The following LUZP2 variants were observed in gnomAD, a reference collection of about 807,000 sequenced individuals.
The protein encoded by LUZP2 is leucine zipper protein 2.
A neutral mutation model predicts 51.6 loss-of-function variants in LUZP2; 52 were observed. The ratio of observed to expected loss-of-function variants is 1.01; its 90% confidence interval spans 0.81 to 1.27. LUZP2 has a LOEUF of 1.27. LUZP2 is among the 50% of genes most tolerant of loss of function. The pLI is 0.00. For missense variants in LUZP2, 436 were observed against 395.4 expected (o/e 1.10, Z -0.87); for synonymous variants, 154 against 137.3 (o/e 1.12, Z -0.85).
rs577398181 is a variant in LUZP2 at position 25,012,800 on chromosome 11, G to C, written c.765+29507G>C. Among the ~76,000 whole-genome samples the C allele has an allele frequency of 2.2e-4, 34 of 152,260 alleles. 1 individual carries two copies. The South Asian group carries it at 5.8e-3, about 26-fold the overall frequency. On this transcript the variant is annotated intron_variant, in intron 9 of 11. Coordinates refer to ENST00000336930, the MANE Select transcript of LUZP2 (RefSeq NM_001009909.4). The stretch of plus-strand genomic sequence containing the variant: ...GAATGTGAACTCGTACATCCACTAT[G>C]AAGACACTAAGGAGATTTCTCAAAA...
intron 9 of LUZP2, among the ~76,000 whole-genome samples, chr11:25,029,662 G>A (rs542599385): frequency 2.6e-5 from 4 of 151,524 alleles, no homozygotes; most frequent in Admixed American, 6.6e-5. Context: ...ATTTGAACCC[G>A]GGAGGCGGAG....
intron 10 of LUZP2, among the ~76,000 whole-genome samples, chr11:25,069,799 T>C: frequency 6.6e-6 from 1 of 151,978 alleles, no homozygotes; most frequent in East Asian, 1.9e-4. Context: ...ACTATAAATT[T>C]TTTCTTCAAT....
At chr11:24,992,369 TG>T (rs1189690739) in intron 9 of LUZP2, among the ~76,000 whole-genome samples, 1 of 152,104 alleles carries the variant, frequency 6.6e-6, no homozygotes, top group African/African-American at 2.4e-5. Flanking sequence ...CTATGTGTGA[TG>T]GGGGATGGGT....
intron 1 of LUZP2, among the ~76,000 whole-genome samples, chr11:24,561,583 A>C (rs1051943276): frequency 2.6e-5 from 4 of 152,134 alleles, no homozygotes; most frequent in Non-Finnish European, 5.9e-5. Context: ...CAAACACTGC[A>C]TGTTCTCATG....
intron 9 of LUZP2, among the ~76,000 whole-genome samples, chr11:25,003,340 C>T (rs989126334): frequency 2.0e-5 from 3 of 152,176 alleles, no homozygotes; most frequent in African/African-American, 7.2e-5. Flanking sequence ...GTGGGATCCT[C>T]AAAGGCAAAG....
intron 1 of LUZP2, among the ~76,000 whole-genome samples, chr11:24,556,730 T>C (rs1399754897): frequency 6.6e-6 from 1 of 152,160 alleles, no homozygotes; most frequent in Non-Finnish European, 1.5e-5. Context: ...ATTTAGGCCA[T>C]GATGATCTCT....
At chr11:24,542,937 A>C (rs910678929) in intron 1 of LUZP2, among the ~76,000 whole-genome samples, 11 of 151,652 alleles carry the variant, frequency 7.3e-5, no homozygotes, top group African/African-American at 2.2e-4. Flanking sequence ...AAAAAAAAAA[A>C]CTAGAAAAAT....
At chr11:24,808,327 C>A (rs1849914125) in intron 5 of LUZP2, among the ~76,000 whole-genome samples, 1 of 151,962 alleles carries the variant, frequency 6.6e-6, no homozygotes. Flanking sequence ...AACATGTTTT[C>A]TTTTATTTAT....
At chr11:25,021,383 A>G (rs1857327781) in intron 9 of LUZP2, among the ~76,000 whole-genome samples, 1 of 151,938 alleles carries the variant, frequency 6.6e-6, no homozygotes, top group South Asian at 2.1e-4. Context: ...TGTTAAAAGT[A>G]GTGCAGGACA....
At chr11:24,649,664 C>T (rs377011640) in intron 1 of LUZP2, among the ~76,000 whole-genome samples, 5 of 151,766 alleles carry the variant, frequency 3.3e-5, no homozygotes, top group South Asian at 2.1e-4. Context: ...TCAGTAATAG[C>T]GATAGGTGTT....
In LUZP2 at chr11:24,714,707, A is replaced by G. The variant is rs112432179; in HGVS notation, c.63-14462A>G. 3.8e-3 allele frequency among the ~76,000 whole-genome samples: 581 copies of G among 152,252 alleles called. 4 individuals carry two copies. The highest frequency in any genetic ancestry group is 0.013 in the African/African-American group (556 of 41,536). Reference sequence around the variant, plus strand: ...TTTTGACATGCTCATGAATCCTCCAATTTTCTGCCAAAATGATTCAATTAT... The same window carrying G: ...TTTTGACATGCTCATGAATCCTCCAGTTTTCTGCCAAAATGATTCAATTAT... On this transcript the variant is annotated intron_variant, in intron 1 of 11. Coordinates refer to ENST00000336930, the MANE Select transcript of LUZP2 (RefSeq NM_001009909.4).
chr11:24,570,208 A>G (rs144868771), intron 1 of LUZP2, among the ~76,000 whole-genome samples: 1 of 152,076 alleles, frequency 6.6e-6, no homozygotes, highest in African/African-American at 2.4e-5. Context: ...CGGTGATGGT[A>G]CATGGTTCAT....
At chr11:25,071,898 G>T (rs908447133) in intron 10 of LUZP2, among the ~76,000 whole-genome samples, 2 of 151,390 alleles carry the variant, frequency 1.3e-5, no homozygotes, top group African/African-American at 4.9e-5. Flanking sequence ...TAAAGTTAAA[G>T]CAATGGAAAG....
intron 7 of LUZP2, among the ~76,000 whole-genome samples, chr11:24,919,666 A>G (rs1853961470): frequency 6.8e-6 from 1 of 146,762 alleles, no homozygotes; most frequent in Admixed American, 6.8e-5. Context: ...ACATGCATAC[A>G]TATATATATA....
chr11:24,627,662 G>T (rs950884554), intron 1 of LUZP2, among the ~76,000 whole-genome samples: 1 of 152,146 alleles, frequency 6.6e-6, no homozygotes, highest in Non-Finnish European at 1.5e-5. Context: ...CCTCTGGAAG[G>T]ATTCTCAACT....
At chr11:24,851,431 C>T (rs999611624) in intron 5 of LUZP2, among the ~76,000 whole-genome samples, 1 of 152,154 alleles carries the variant, frequency 6.6e-6, no homozygotes, top group Non-Finnish European at 1.5e-5. Context: ...ATTAAACCAG[C>T]CTTGCATCCC....
intron 7 of LUZP2, among the ~76,000 whole-genome samples, chr11:24,938,977 C>T (rs1477936324): frequency 6.6e-6 from 1 of 152,016 alleles, no homozygotes; most frequent in Non-Finnish European, 1.5e-5. Flanking sequence ...CAAGCCCCAG[C>T]AAGGTGCTGA....
At chr11:25,028,429 G>A (rs1057343644) in intron 9 of LUZP2, among the ~76,000 whole-genome samples, 2 of 152,064 alleles carry the variant, frequency 1.3e-5, no homozygotes, top group African/African-American at 4.8e-5. Flanking sequence ...TGAAGAAAAT[G>A]TGGTGTATAT....
intron 4 of LUZP2, among the ~76,000 whole-genome samples, chr11:24,748,488 T>C (rs1859460118): frequency 6.7e-6 from 1 of 149,480 alleles, no homozygotes; most frequent in Non-Finnish European, 1.5e-5. Context: ...TGAGACAGAG[T>C]CTTGCTCTGT....
Sources: gnomAD v4.1 joint callset for allele counts (sites outside exome capture counted in the v4.1 genomes callset) on GRCh38, gnomAD v4.1.1 for gene constraint, MANE v1.5 for transcripts, NCBI Gene and HGNC (gene_info 2026-07-23, HGNC 2026-07-21) for gene names.